FRAS1: variants seen among roughly 807,000 people sequenced by gnomAD.
The protein encoded by FRAS1 is extracellular matrix organizing protein FRAS1.
FRAS1 carries 290 observed loss-of-function variants against 435.2 expected under a neutral mutation model. That is an observed-to-expected ratio of 0.67 (90% CI 0.61 to 0.73). The LOEUF is 0.73. FRAS1 is among the 30% of genes least tolerant of loss of function. The pLI is 0.00. For synonymous variants in FRAS1, 1,800 were observed against 1,851.0 expected (o/e 0.97, Z 0.71); for missense variants, 4,860 against 5,001.5 (o/e 0.97, Z 0.85).
chr4:78,334,271 C>A (rs1392294522), intron 19 of FRAS1, among the ~76,000 whole-genome samples: 1 of 148,844 alleles, frequency 6.7e-6, no homozygotes, highest in Non-Finnish European at 1.5e-5. Context: ...CCTTTTTGAT[C>A]TACTTTTTAT....
intron 2 of FRAS1, among the ~76,000 whole-genome samples, chr4:78,113,455 G>A (rs927810454): frequency 3.3e-5 from 5 of 152,132 alleles, no homozygotes; most frequent in Middle Eastern, 3.2e-3. Flanking sequence ...CAGTGTAAAA[G>A]TGTTCCTATT....
At position 78,371,091 on chromosome 4, in the gene FRAS1, GTT is replaced by G. The variant is rs369342938; in HGVS notation, c.2869+1121_2869+1122del. Among the ~76,000 whole-genome samples, 265 of 124,238 alleles carry G rather than the reference GTT, an allele frequency of 2.1e-3. 7 individuals carry two copies. The highest frequency in any genetic ancestry group is 6.9e-3 in the African/African-American group (242 of 35,020). 81.5% of individuals were successfully genotyped at this position (124,238 alleles called of 152,430 possible). On this transcript the variant is annotated intron_variant, in intron 23 of 73. Coordinates refer to ENST00000512123, the MANE Select transcript of FRAS1 (RefSeq NM_025074.7). ...CACAGAATTTTTTTTCTGTTTTTTT[GTT>G]TTTTTTTTTTTTTGCCTTCTAACCA...
chr4:78,520,188 G>A (rs548643910), intron 67 of FRAS1, among the ~76,000 whole-genome samples: 2 of 150,236 alleles, frequency 1.3e-5, no homozygotes, highest in Non-Finnish European at 3.0e-5. Flanking sequence ...CCACATAGAT[G>A]CTCCTTAAAA....
At chr4:78,366,511 C>A (rs1298130327) in intron 22 of FRAS1, among the ~76,000 whole-genome samples, 1 of 152,192 alleles carries the variant, frequency 6.6e-6, no homozygotes, top group Non-Finnish European at 1.5e-5. Flanking sequence ...CATCTCTGTG[C>A]CATGTAGACC....
intron 2 of FRAS1, among the ~76,000 whole-genome samples, chr4:78,111,832 G>A (rs1430680044): frequency 2.0e-5 from 3 of 150,692 alleles, no homozygotes; most frequent in African/African-American, 7.3e-5. Flanking sequence ...CACTGAGACA[G>A]AAAGAAAAAA....
At chr4:78,492,502 C>T (rs1578356227) in intron 59 of FRAS1, among the ~76,000 whole-genome samples, 1 of 152,148 alleles carries the variant, frequency 6.6e-6, no homozygotes, top group East Asian at 1.9e-4. Flanking sequence ...ACATCTACAA[C>T]CATCTGATTT....
intron 64 of FRAS1, among the ~76,000 whole-genome samples, chr4:78,512,825 C>CGTAGTGCTGAT (rs1560420432): frequency 5.3e-5 from 8 of 152,194 alleles, no homozygotes; most frequent in Non-Finnish European, 1.2e-4. Flanking sequence ...ATAGGACTTA[C>CGTAGTGCTGAT]AGGCAGACTG....
chr4:78,156,166 G>T (rs1387865852), intron 2 of FRAS1, among the ~76,000 whole-genome samples: 1 of 152,164 alleles, frequency 6.6e-6, no homozygotes, highest in East Asian at 1.9e-4. Context: ...GGAGGTGCAA[G>T]ACTCTCTTTT....
chr4:78,279,696 T>A (rs891845953), intron 10 of FRAS1, among the ~76,000 whole-genome samples: 1 of 152,236 alleles, frequency 6.6e-6, no homozygotes, highest in Admixed American at 6.5e-5. Flanking sequence ...CTTAATCTTT[T>A]CAAATTTTCC....
In FRAS1 at chr4:78,087,018, A is replaced by C. The variant is rs1181624847; in HGVS notation, c.108+21002A>C. Among the ~76,000 whole-genome samples, 3 of 152,204 alleles carry C rather than the reference A, an allele frequency of 2.0e-5. No homozygotes were observed. In the East Asian group the frequency reaches 5.8e-4, roughly 29 times the overall value. The stretch of plus-strand genomic sequence containing the variant: ...ATCCGTGATGAACATCGAAGCAAAA[A>C]TCCTCAATAAAATACTGGCAAACCG... On this transcript the variant is annotated intron_variant, in intron 2 of 73. Transcript: ENST00000512123.
intron 3 of FRAS1, among the ~76,000 whole-genome samples, chr4:78,242,684 C>T (rs1725058745): frequency 1.3e-5 from 2 of 152,336 alleles, no homozygotes; most frequent in South Asian, 4.1e-4. Flanking sequence ...GATCCAACCA[C>T]CTCAGCCTCC....
chr4:78,431,866 T>G (rs879628305), intron 37 of FRAS1, among the ~76,000 whole-genome samples: 4 of 152,198 alleles, frequency 2.6e-5, no homozygotes, highest in Non-Finnish European at 5.9e-5. Context: ...ACTTAAAGTA[T>G]ATTTTTTTCA....
chr4:78,288,117 C>A (rs1235101754), intron 14 of FRAS1, among the ~76,000 whole-genome samples: 2 of 152,164 alleles, frequency 1.3e-5, no homozygotes, highest in Non-Finnish European at 2.9e-5. Flanking sequence ...CAGAAAAGAA[C>A]CCTTAGTGTT....
Position 78,267,462 on chromosome 4 carries a change from C to T in FRAS1, c.981+30C>T, listed in dbSNP as rs147585479. On this transcript the variant is annotated intron_variant, in intron 9 of 73. Coordinates refer to ENST00000512123, the MANE Select transcript of FRAS1 (RefSeq NM_025074.7). ...GAAGCAGGGGCATTTCCATTTGGAA[C>T]GTTGCAGCTCTTTCCAACGGGATAG... is the stretch of plus-strand genomic sequence containing the variant. The T allele has an allele frequency of 2.0e-4, 319 of 1,597,230 alleles. 1 individual carries two copies. The highest frequency in any genetic ancestry group is 6.7e-4 in the Admixed American group (39 of 58,414).
intron 2 of FRAS1, among the ~76,000 whole-genome samples, chr4:78,138,338 AG>A (rs1188151857): frequency 6.6e-6 from 1 of 152,200 alleles, no homozygotes; most frequent in Non-Finnish European, 1.5e-5. Flanking sequence ...GTCCAGGGTG[AG>A]AACTCAGTTG....
At chr4:78,244,226 C>T (rs1725135711) in intron 3 of FRAS1, among the ~76,000 whole-genome samples, 1 of 151,658 alleles carries the variant, frequency 6.6e-6, no homozygotes, top group Non-Finnish European at 1.5e-5. Flanking sequence ...AATGAAGCAA[C>T]CAAAAATAAA....
intron 9 of FRAS1, among the ~76,000 whole-genome samples, chr4:78,267,741 G>T (rs1726439396): frequency 6.6e-6 from 1 of 152,216 alleles, no homozygotes; most frequent in South Asian, 2.1e-4. Flanking sequence ...AGCGCAGCTG[G>T]ATCTCATTGC....
intron 72 of FRAS1, among the ~76,000 whole-genome samples, chr4:78,537,958 G>A (rs11937070): frequency 0.011 from 1,554 of 138,340 alleles, 24 homozygotes; most frequent in African/African-American, 0.038. Flanking sequence ...AAAAAAAAAA[G>A]AAAAAAAAAA....
chr4:78,092,734 C>T (rs1380382500), intron 2 of FRAS1, among the ~76,000 whole-genome samples: 1 of 152,206 alleles, frequency 6.6e-6, no homozygotes, highest in Non-Finnish European at 1.5e-5. Flanking sequence ...CTTCAATGAC[C>T]TCACAGGACA....
Sources: allele counts gnomAD v4.1 joint callset (sites outside exome capture counted in the v4.1 genomes callset), GRCh38; gene constraint gnomAD v4.1.1; transcripts MANE v1.5; gene names NCBI Gene and HGNC (gene_info 2026-07-23, HGNC 2026-07-21).